Variants in SH3GL2 observed in about 807,000 individuals in gnomAD.
The protein encoded by SH3GL2 is endophilin-A1.
In SH3GL2, 24 loss-of-function variants were observed where a neutral mutation model predicts 46.0. That is an observed-to-expected ratio of 0.52 (90% CI 0.38 to 0.73). SH3GL2 has a LOEUF of 0.73. Ranked by LOEUF, SH3GL2 falls within the 30% of genes least tolerant of loss-of-function variation. The probability of loss-of-function intolerance (pLI) is 0.00; values close to 1 mark genes in which losing one functional copy is unlikely to be tolerated. For synonymous variants in SH3GL2, 196 were observed against 147.1 expected, an observed-to-expected ratio of 1.33 and a Z score of -2.40; for missense variants, 413 against 424.2, an observed-to-expected ratio of 0.97 and a Z score of 0.23.
chr9:17,786,335 G>A (rs771333282), intron 3 of SH3GL2, 46 bp from the exon 4 acceptor site: 4 of 1,571,184 alleles, frequency 2.5e-6, no homozygotes, highest in Non-Finnish European at 1.7e-6. Flanking sequence ...TATTTCCGCA[G>A]TGTCACATTG....
intron 1 of SH3GL2, among the ~76,000 whole-genome samples, chr9:17,682,192 C>T (rs1045535110): frequency 5.9e-5 from 9 of 152,094 alleles, no homozygotes; most frequent in African/African-American, 2.2e-4. Flanking sequence ...CCGTTTGACC[C>T]AGCAATCCCA....
chr9:17,685,171 A>G (rs375306476), intron 1 of SH3GL2, among the ~76,000 whole-genome samples: 2 of 151,980 alleles, frequency 1.3e-5, no homozygotes, highest in Non-Finnish European at 2.9e-5. Context: ...TTATGAGTGG[A>G]TGGAATCAAG....
rs375487659 is a variant in SH3GL2, at chr9:17,668,917, G to A, written c.46-78149G>A. ...AAGCAGTACCCCTGCCTTGGCATCCGAGAGGGCTGGGATTACACAGGTGAG... is the reference window on the plus strand; with the variant it reads ...AAGCAGTACCCCTGCCTTGGCATCCAAGAGGGCTGGGATTACACAGGTGAG... On this transcript the variant is annotated intron_variant, in intron 1 of 8. Transcript: ENST00000380607. Among the ~76,000 whole-genome samples the A allele has an allele frequency of 6.6e-5, 10 of 152,244 alleles. No individual in the cohort carries two copies. In the South Asian group the frequency reaches 2.1e-3, roughly 32 times the overall value.
intron 1 of SH3GL2, among the ~76,000 whole-genome samples, chr9:17,676,882 C>A (rs1820626385): frequency 6.6e-6 from 1 of 152,080 alleles, no homozygotes; most frequent in Admixed American, 6.6e-5. Context: ...TATTATTTTT[C>A]TCTTCTCCAT....
intron 1 of SH3GL2, among the ~76,000 whole-genome samples, chr9:17,588,663 C>A (rs1245640920): frequency 6.6e-6 from 1 of 152,132 alleles, no homozygotes; most frequent in African/African-American, 2.4e-5. Flanking sequence ...AATTCTTCCC[C>A]CAAGCTTCCA....
intron 1 of SH3GL2, among the ~76,000 whole-genome samples, chr9:17,714,310 C>T (rs997632051): frequency 6.6e-6 from 1 of 151,634 alleles, no homozygotes; most frequent in African/African-American, 2.4e-5. Flanking sequence ...TTTATCCAAT[C>T]TGAAAATCTC....
chr9:17,716,205 A>G (rs905778033), intron 1 of SH3GL2, among the ~76,000 whole-genome samples: 1 of 152,010 alleles, frequency 6.6e-6, no homozygotes, highest in Non-Finnish European at 1.5e-5. Context: ...GCTTTTTGTC[A>G]TTTGGATCTT....
At chr9:17,765,421 A>G (rs1200690248) in intron 3 of SH3GL2, among the ~76,000 whole-genome samples, 1 of 152,218 alleles carries the variant, frequency 6.6e-6, no homozygotes, top group African/African-American at 2.4e-5. Flanking sequence ...TATTGAAGTG[A>G]TGACCAAAGT....
intron 2 of SH3GL2, among the ~76,000 whole-genome samples, chr9:17,760,557 G>T (rs1379137805): frequency 6.6e-6 from 1 of 152,050 alleles, no homozygotes; most frequent in East Asian, 1.9e-4. Context: ...GTTGAAGGGG[G>T]AGCCTTTTAA....
rs141138753 is a variant in SH3GL2, at chr9:17,696,208, C to A, written c.46-50858C>A. Among the ~76,000 whole-genome samples the A allele has an allele frequency of 1.3e-3, 191 of 152,122 alleles. 3 individuals carry two copies. Among genetic ancestry groups the A allele is most frequent in the African/African-American group, 3.9e-3 (164 of 41,530 alleles). On this transcript the variant is annotated intron_variant, in intron 1 of 8. Transcript: ENST00000380607. ...TTTTTTTTTCCTTTTTTAAAGAGAACATTTTTAAAATCTAGCTTTATAACT... is the reference window on the plus strand; with the variant it reads ...TTTTTTTTTCCTTTTTTAAAGAGAAAATTTTTAAAATCTAGCTTTATAACT...
chr9:17,685,645 C>T (rs1170127637), intron 1 of SH3GL2, among the ~76,000 whole-genome samples: 1 of 151,992 alleles, frequency 6.6e-6, no homozygotes, highest in East Asian at 1.9e-4. Context: ...GGAAGGGATC[C>T]AGTTTCAGCT....
intron 8 of SH3GL2, among the ~76,000 whole-genome samples, chr9:17,794,173 C>G (rs1460311405): frequency 1.3e-5 from 2 of 152,188 alleles, no homozygotes; most frequent in African/African-American, 4.8e-5. Context: ...CCTTGTCACA[C>G]TTGCTCTCCA....
chr9:17,726,370 A>G (rs1822019808), intron 1 of SH3GL2, among the ~76,000 whole-genome samples: 1 of 152,172 alleles, frequency 6.6e-6, no homozygotes, highest in Non-Finnish European at 1.5e-5. Flanking sequence ...ACTTCATAGT[A>G]AGTACTCAAT....
chr9:17,660,848 T>G (rs983437292), intron 1 of SH3GL2, among the ~76,000 whole-genome samples: 1 of 152,078 alleles, frequency 6.6e-6, no homozygotes, highest in Non-Finnish European at 1.5e-5. Flanking sequence ...AACAATTAGG[T>G]TAATTACAAA....
At position 17,697,243 on chromosome 9, in the gene SH3GL2, A is replaced by G. The variant is rs532882408; in HGVS notation, c.46-49823A>G. The stretch of plus-strand genomic sequence containing the variant: ...AATGCATTTCTTTTTTTTTTTTTTA[A>G]GGCGGAGTCTCACTTTTTCACCCAG... On this transcript the variant is annotated intron_variant, in intron 1 of 8. Coordinates refer to ENST00000380607, the MANE Select transcript of SH3GL2 (RefSeq NM_003026.5). Among the ~76,000 whole-genome samples the G allele has an allele frequency of 7.3e-5, 11 of 150,880 alleles. No individual in the cohort carries two copies. In the South Asian group the frequency reaches 1.7e-3, roughly 23 times the overall value.
rs972118257 is a variant in SH3GL2, at chr9:17,795,843, A to G, written c.*100A>G. 7.4e-6 allele frequency: 7 copies of G among 943,780 alleles called. No individual in the cohort carries two copies. The Admixed American group carries it at 1.6e-4, about 21-fold the overall frequency. The allele number at this position is 943,780 out of a possible 1,614,324, so 58.5% of individuals were successfully genotyped here. ...ATAACACATCCCAAGTGCAGGCCGCAGTGGTCCACGTCATCCAGCCCCACC... is the reference window on the plus strand; with the variant it reads ...ATAACACATCCCAAGTGCAGGCCGCGGTGGTCCACGTCATCCAGCCCCACC... On this transcript the variant is annotated 3_prime_UTR_variant, in exon 9 of 9. Coordinates refer to ENST00000380607, the MANE Select transcript of SH3GL2 (RefSeq NM_003026.5).
intron 1 of SH3GL2, among the ~76,000 whole-genome samples, chr9:17,621,235 CTT>C (rs1458008377): frequency 2.0e-5 from 3 of 152,140 alleles, no homozygotes. Context: ...CAATGAATGT[CTT>C]TATGCATAAA....
intron 1 of SH3GL2, among the ~76,000 whole-genome samples, chr9:17,623,846 A>G (rs778614129): frequency 4.6e-5 from 7 of 152,150 alleles, no homozygotes; most frequent in Non-Finnish European, 7.3e-5. Context: ...ATATTCTCTT[A>G]TACTATAACC....
intron 1 of SH3GL2, 101 bp downstream of exon 1, chr9:17,579,388 C>G: frequency 1.6e-6 from 1 of 640,114 alleles, no homozygotes; most frequent in East Asian, 3.9e-5. Flanking sequence ...AGTTCGGCAC[C>G]GAGCCTCGCC....
Sources: gnomAD v4.1 joint callset for allele counts (sites outside exome capture counted in the v4.1 genomes callset) on GRCh38, gnomAD v4.1.1 for gene constraint, MANE v1.5 for transcripts, NCBI Gene and HGNC (gene_info 2026-07-23, HGNC 2026-07-21) for gene names.